The following DCHS2 variants were observed in gnomAD, a reference collection of about 807,000 sequenced individuals.
The protein encoded by DCHS2 is dachsous cadherin-related 2, also known as protocadherin-23.
A neutral mutation model predicts 182.4 loss-of-function variants in DCHS2; 142 were observed. The observed-to-expected ratio is 0.78, with a 90% CI of 0.68 to 0.89. The LOEUF (loss-of-function observed/expected upper bound fraction) is 0.89, where lower values mean the gene tolerates loss of function less well. DCHS2 is among the 40% of genes least tolerant of loss of function. The pLI, the probability that DCHS2 is intolerant of heterozygous loss-of-function variation, is 0.00. For synonymous variants in DCHS2, 1,740 were observed against 1,663.3 expected (o/e 1.05, Z -1.12); for missense variants, 4,319 against 4,198.6 (o/e 1.03, Z -0.79).
At chr4:154,343,365 A>T in intron 3 of DCHS2, 2 of 1,133,548 alleles carry the variant, frequency 1.8e-6, no homozygotes, top group Non-Finnish European at 2.3e-6. Flanking sequence ...TTCTGAAGCC[A>T]GGCATTGACT....
chr4:154,441,567 GTTT>G (rs36074539), intron 1 of DCHS2, among the ~76,000 whole-genome samples: 1 of 151,172 alleles, frequency 6.6e-6, no homozygotes, highest in Admixed American at 6.6e-5. Flanking sequence ...TTTCAGAAAA[GTTT>G]TTTCCTATTT....
rs1728713268 is a variant in DCHS2 at position 154,334,853 on chromosome 4, G to A, written c.2713+15C>T. On this transcript the variant is annotated intron_variant, in intron 4 of 19. Transcript: ENST00000357232. ...AATAATGGAATTCCATGCAGCATAA[G>A]AAATAAGTACTTACTCAAGGGCTCT... 3 of 1,569,592 alleles carry A rather than the reference G, an allele frequency of 1.9e-6. No homozygotes were observed. Among genetic ancestry groups the A allele is most frequent in the East Asian group, 4.5e-5 (2 of 44,554 alleles).
chr4:154,405,405 T>G (rs1182405090), intron 1 of DCHS2, among the ~76,000 whole-genome samples: 9 of 151,382 alleles, frequency 5.9e-5, no homozygotes, highest in Non-Finnish European at 1.3e-4. Flanking sequence ...CACTGATTTT[T>G]TTTCCCAAAT....
At chr4:154,268,230 T>TCC (rs1554000253) in intron 14 of DCHS2, among the ~76,000 whole-genome samples, 5 of 148,018 alleles carry the variant, frequency 3.4e-5, no homozygotes, top group African/African-American at 1.3e-4. Flanking sequence ...CCTTTCACTT[T>TCC]CCCCCCCCCA....
At chr4:154,247,669 A>T (rs985567014) in intron 16 of DCHS2, among the ~76,000 whole-genome samples, 1 of 143,438 alleles carries the variant, frequency 7.0e-6, no homozygotes, top group African/African-American at 2.6e-5. Flanking sequence ...AAAAAAAAAA[A>T]AAAGAATTAG....
At chr4:154,435,904 A>G (rs575951683) in intron 1 of DCHS2, among the ~76,000 whole-genome samples, 1 of 152,356 alleles carries the variant, frequency 6.6e-6, no homozygotes, top group South Asian at 2.1e-4. Context: ...GACAGCAAAA[A>G]GTGAAGGTCA....
In DCHS2 at chr4:154,490,535, G is replaced by A. The variant is rs1168086099; in HGVS notation, c.821C>T (p.Pro274Leu). The A allele has an allele frequency of 4.5e-6, 7 of 1,538,642 alleles. No homozygotes were observed. The highest frequency in any genetic ancestry group is 2.7e-5 in the African/African-American group (2 of 73,000). Residue 274 changes from proline to leucine, a missense_variant, in exon 1 of 20, where the codon CCC becomes CTC. Physicochemically the swap from Pro to Leu is moderately conservative, Grantham distance 98. Coordinates refer to ENST00000357232, the MANE Select transcript of DCHS2 (RefSeq NM_001358235.2). ...LQIEAWDGGR[P>L]RRTGLLSVEL... Reference sequence around the variant, plus strand: ...CACGCTCAGGAGGCCGGTGCGCCGGGGTCGGCCGCCGTCCCATGCCTCGAT... The same window carrying A: ...CACGCTCAGGAGGCCGGTGCGCCGGAGTCGGCCGCCGTCCCATGCCTCGAT...
At chr4:154,325,339 G>C (rs1266074514) in intron 7 of DCHS2, among the ~76,000 whole-genome samples, 1 of 151,478 alleles carries the variant, frequency 6.6e-6, no homozygotes, top group African/African-American at 2.4e-5. Context: ...GTGTGTGTGT[G>C]TGTGTGTGTG....
chr4:154,302,806 T>TGAAATAC (rs1365096726), intron 12 of DCHS2, among the ~76,000 whole-genome samples: 1 of 109,924 alleles, frequency 9.1e-6, no homozygotes, highest in African/African-American at 3.5e-5. Context: ...TATATACTTA[T>TGAAATAC]ATATATTTCA....
chr4:154,470,438 T>G (rs112559096), intron 1 of DCHS2, among the ~76,000 whole-genome samples: 2 of 150,974 alleles, frequency 1.3e-5, no homozygotes, highest in Admixed American at 6.6e-5. Context: ...CAGTGAGCCA[T>G]GATTGCACCA....
At chr4:154,238,420 C>A (rs963885182) in intron 19 of DCHS2, among the ~76,000 whole-genome samples, 1 of 152,098 alleles carries the variant, frequency 6.6e-6, no homozygotes, top group Non-Finnish European at 1.5e-5. Context: ...TGTGATGTCT[C>A]CCAGGCCCTG....
At chr4:154,398,102 A>G (rs1732007639) in intron 1 of DCHS2, among the ~76,000 whole-genome samples, 1 of 152,336 alleles carries the variant, frequency 6.6e-6, no homozygotes, top group South Asian at 2.1e-4. Flanking sequence ...GAAAAATCCC[A>G]TCTGGTACAT....
At chr4:154,329,386 G>T (rs1268854547) in intron 6 of DCHS2, 137 bp downstream of exon 6, 2 of 846,308 alleles carry the variant, frequency 2.4e-6, no homozygotes, top group Non-Finnish European at 3.7e-6. Context: ...CATGTGCACA[G>T]TATCTAGGTC....
intron 1 of DCHS2, among the ~76,000 whole-genome samples, chr4:154,459,269 G>A (rs1041114395): frequency 4.2e-4 from 64 of 152,066 alleles, no homozygotes; most frequent in African/African-American, 1.3e-3. Context: ...AGAATCTCTC[G>A]TTTAAAAACC....
chr4:154,383,296 G>T (rs35640569), intron 1 of DCHS2, among the ~76,000 whole-genome samples: 49,566 of 151,936 alleles, frequency 0.33, 9,978 homozygotes, highest in Non-Finnish European at 0.46. Flanking sequence ...TAAAGATGGG[G>T]ACAATAAACA....
intron 16 of DCHS2, among the ~76,000 whole-genome samples, chr4:154,251,974 T>G (rs1448938199): frequency 6.6e-6 from 1 of 152,224 alleles, no homozygotes. Flanking sequence ...CCACTGAATT[T>G]TCTTCTATGT....
intron 1 of DCHS2, among the ~76,000 whole-genome samples, chr4:154,412,118 A>T (rs935516239): frequency 6.6e-6 from 1 of 152,202 alleles, no homozygotes; most frequent in Non-Finnish European, 1.5e-5. Context: ...TTATAAGAAG[A>T]AAGATAGTTA....
At position 154,332,791 on chromosome 4, in the gene DCHS2, C is replaced by T. The variant is rs747850011; in HGVS notation, c.3417G>A (p.Thr1139=). ...ACTGTCGCCGCAAATAAATCCAGCCCGTGTAAGGGCGGATTCCAAACATAG... is the reference window on the plus strand; with the variant it reads ...ACTGTCGCCGCAAATAAATCCAGCCTGTGTAAGGGCGGATTCCAAACATAG... ...DSAMFGIRPY[T]GWIYLRRQFD... Residue 1139 remains threonine, a synonymous_variant, in exon 5 of 20, where the codon ACG becomes ACA. Transcript: ENST00000357232. 1 of 1,614,094 alleles carries T rather than the reference C, an allele frequency of 6.2e-7. No homozygotes were observed. Among genetic ancestry groups the T allele is most frequent in the Non-Finnish European group, 8.5e-7 (1 of 1,180,056 alleles).
Position 154,240,773 on chromosome 4 carries a change from A to G in DCHS2, c.7123T>C (p.Leu2375=). 1 of 1,613,926 alleles carries G rather than the reference A, an allele frequency of 6.2e-7. No homozygotes were observed. Among genetic ancestry groups the G allele is most frequent in the Non-Finnish European group, 8.5e-7 (1 of 1,179,890 alleles). ...VTHVSVHDVD[L]NSAFIFSFAK... ...AAACTGAATATGAAAGCTGAATTCA[A>G]ATCCACATCATGAACTGACACATGA... is the stretch of plus-strand genomic sequence containing the variant. The change falls in exon 18 of 20, where the codon TTG becomes CTG. Residue 2375 remains leucine, a synonymous_variant. Transcript: ENST00000357232.
Sources: gnomAD v4.1 joint callset for allele counts (sites outside exome capture counted in the v4.1 genomes callset) on GRCh38, gnomAD v4.1.1 for gene constraint, MANE v1.5 for transcripts, NCBI Gene and HGNC (gene_info 2026-07-23, HGNC 2026-07-21) for gene names.